GRIK1: variants seen among roughly 807,000 people sequenced by gnomAD.
GRIK1 encodes the protein glutamate receptor ionotropic, kainate 1.
Under a neutral mutation model 105.7 loss-of-function variants are expected in GRIK1, and 69 were observed. The observed-to-expected ratio is 0.65, with a 90% CI of 0.54 to 0.80. The LOEUF is 0.80. Ranked by LOEUF, GRIK1 falls within the 30% of genes least tolerant of loss-of-function variation. GRIK1 has a pLI of 0.00. For synonymous variants in GRIK1, 438 were observed against 431.3 expected (o/e 1.02, Z -0.19); for missense variants, 1,109 against 1,167.3 (o/e 0.95, Z 0.73).
intron 1 of GRIK1, among the ~76,000 whole-genome samples, chr21:29,820,119 A>G (rs1354714438): frequency 6.6e-6 from 1 of 152,132 alleles, no homozygotes; most frequent in African/African-American, 2.4e-5. Flanking sequence ...AAGATCATTA[A>G]CTATGTAGTA....
At chr21:29,841,910 C>G (rs1176814049) in intron 1 of GRIK1, among the ~76,000 whole-genome samples, 1 of 152,184 alleles carries the variant, frequency 6.6e-6, no homozygotes, top group Non-Finnish European at 1.5e-5. Context: ...AAGCAACACT[C>G]AAATCTCTAT....
At chr21:29,756,739 T>C (rs763727204) in intron 1 of GRIK1, among the ~76,000 whole-genome samples, 10 of 151,942 alleles carry the variant, frequency 6.6e-5, no homozygotes, top group Non-Finnish European at 2.9e-5. Flanking sequence ...AGCAAAGACA[T>C]GAAACACAAC....
At chr21:29,804,247 G>A (rs1414410738) in intron 1 of GRIK1, among the ~76,000 whole-genome samples, 2 of 152,046 alleles carry the variant, frequency 1.3e-5, no homozygotes, top group African/African-American at 4.8e-5. Context: ...ACCAAGGCAA[G>A]GGAGAAATTT....
intron 6 of GRIK1, among the ~76,000 whole-genome samples, chr21:29,645,127 A>C (rs1335733708): frequency 6.6e-6 from 1 of 152,242 alleles, no homozygotes; most frequent in African/African-American, 2.4e-5. Context: ...AGGCACTATA[A>C]GCATTTTACA....
rs1226386611 is a variant in GRIK1, at chr21:29,795,085, GA to G, written c.119-101023del. ...GAGTCTCCCTCTGTCACCCAGGCTGGAGTGCAGTGGTGCAATCTTGGCTCAC... is the reference window on the plus strand; with the variant it reads ...GAGTCTCCCTCTGTCACCCAGGCTGGGTGCAGTGGTGCAATCTTGGCTCAC... On this transcript the variant is annotated intron_variant, in intron 1 of 17. Transcript: ENST00000327783. Among the ~76,000 whole-genome samples, 198 of 136,806 alleles carry G rather than the reference GA, an allele frequency of 1.4e-3. 2 individuals carry two copies. The highest frequency in any genetic ancestry group is 5.2e-3 in the African/African-American group (189 of 36,070). 89.8% of individuals were successfully genotyped at this position (136,806 alleles called of 152,430 possible).
At chr21:29,702,066 T>TAC (rs2063822433) in intron 1 of GRIK1, among the ~76,000 whole-genome samples, 1 of 152,120 alleles carries the variant, frequency 6.6e-6, no homozygotes, top group Non-Finnish European at 1.5e-5. Context: ...GACCACGTGT[T>TAC]CTCATGTATA....
intron 1 of GRIK1, among the ~76,000 whole-genome samples, chr21:29,860,201 A>G (rs972949197): frequency 6.6e-6 from 1 of 152,214 alleles, no homozygotes; most frequent in Non-Finnish European, 1.5e-5. Context: ...TGGGGACTCC[A>G]GAGAAAATAA....
Position 29,694,213 on chromosome 21 carries a change from C to T in GRIK1, c.119-150G>A, listed in dbSNP as rs1359950174. The stretch of plus-strand genomic sequence containing the variant: ...GATCTCAGCTCACTGCAACCTCCGC[C>T]TCTGGGTTCAAGCGATTCTCCTGCC... On this transcript the variant is annotated intron_variant, in intron 1 of 17. Transcript: ENST00000327783. 5 of 603,540 alleles carry T rather than the reference C, an allele frequency of 8.3e-6. No individual in the cohort carries two copies. The African/African-American group carries it at 9.4e-5, about 11-fold the overall frequency. 37.4% of individuals were successfully genotyped at this position (603,540 alleles called of 1,614,324 possible).
At chr21:29,934,956 T>C (rs1453182509) in intron 1 of GRIK1, among the ~76,000 whole-genome samples, 5 of 152,210 alleles carry the variant, frequency 3.3e-5, no homozygotes, top group African/African-American at 1.2e-4. Flanking sequence ...CACTATCAGA[T>C]ACCTTCTCTT....
chr21:29,931,572 A>G lies in GRIK1; in HGVS notation c.118+7811T>C, dbSNP rs543726407. Among the ~76,000 whole-genome samples, 3 of 152,260 alleles carry G rather than the reference A, an allele frequency of 2.0e-5. No homozygotes were observed. In the South Asian group the frequency reaches 6.2e-4, roughly 32 times the overall value. ...TCCCTACTTATTTATTTAATCATTT[A>G]TCTATATCAGTATGCACTCATGGGA... On this transcript the variant is annotated intron_variant, in intron 1 of 17. Transcript: ENST00000327783.
intron 13 of GRIK1, 114 bp downstream of exon 13, chr21:29,581,311 A>G (rs2091018504): frequency 4.3e-6 from 3 of 700,656 alleles, no homozygotes; most frequent in Admixed American, 4.5e-5. Context: ...TATTTTCTTA[A>G]GTTCCTGAGA....
intron 1 of GRIK1, among the ~76,000 whole-genome samples, chr21:29,855,973 G>A (rs117904093): frequency 1.9e-4 from 29 of 152,276 alleles, no homozygotes; most frequent in Non-Finnish European, 4.3e-4. Flanking sequence ...GAATTGGGGG[G>A]AAACACATTT....
rs919828084 is a variant in GRIK1, at chr21:29,537,585, G to A, written c.2695-200C>T. 14 of 669,890 alleles carry A rather than the reference G, an allele frequency of 2.1e-5. No homozygotes were observed. In the Admixed American group the frequency reaches 3.2e-4, roughly 15 times the overall value. The allele number at this position is 669,890 out of a possible 1,614,324, so 41.5% of individuals were successfully genotyped here. On this transcript the variant is annotated intron_variant, in intron 17 of 17. Transcript: ENST00000327783. ...TCGGGGAAACTGAGATGGCAAGTTAGCTGGGCAAACTTTGGGATTTCATTC... is the reference window on the plus strand; with the variant it reads ...TCGGGGAAACTGAGATGGCAAGTTAACTGGGCAAACTTTGGGATTTCATTC...
Position 29,817,862 on chromosome 21 carries a change from ACGCTTAATGCATACCCAACCCAATAT to A in GRIK1, c.118+121495_118+121520del. Among the ~76,000 whole-genome samples, 2 of 152,132 alleles carry A rather than the reference ACGCTTAATGCATACCCAACCCAATAT, an allele frequency of 1.3e-5. 1 individual carries two copies. The highest frequency in any genetic ancestry group is 3.9e-4 in the East Asian group (2 of 5,180). On this transcript the variant is annotated intron_variant, in intron 1 of 17. Coordinates refer to ENST00000327783, the MANE Select transcript of GRIK1 (RefSeq NM_001330994.2). Reference sequence around the variant, plus strand: ...TGTTATGTGCCCAATATGAGAAAATACGCTTAATGCATACCCAACCCAATATTTAGTTGGCTACGCATTAAACATAC... The same window carrying A: ...TGTTATGTGCCCAATATGAGAAAATATTAGTTGGCTACGCATTAAACATAC...
intron 1 of GRIK1, among the ~76,000 whole-genome samples, chr21:29,867,799 A>AGAAG (rs1555901516): frequency 6.9e-6 from 1 of 144,010 alleles, no homozygotes; most frequent in East Asian, 2.1e-4. Flanking sequence ...TGTCGAAAGA[A>AGAAG]GAAAGAAAGA....
At chr21:29,834,422 A>G (rs916619454) in intron 1 of GRIK1, among the ~76,000 whole-genome samples, 5 of 151,074 alleles carry the variant, frequency 3.3e-5, no homozygotes, top group African/African-American at 1.2e-4. Context: ...ATAACCCATT[A>G]CCACTACTAA....
chr21:29,862,366 A>G (rs1207438206), intron 1 of GRIK1, among the ~76,000 whole-genome samples: 1 of 152,184 alleles, frequency 6.6e-6, no homozygotes, highest in African/African-American at 2.4e-5. Flanking sequence ...TGTACCTCAC[A>G]TTTTATAATC....
At chr21:29,819,582 C>A (rs753104869) in intron 1 of GRIK1, among the ~76,000 whole-genome samples, 5 of 151,904 alleles carry the variant, frequency 3.3e-5, no homozygotes, top group African/African-American at 9.7e-5. Context: ...TATTTCCAAT[C>A]AAATTGCATT....
At chr21:29,917,029 G>A (rs1263691026) in intron 1 of GRIK1, among the ~76,000 whole-genome samples, 7 of 151,854 alleles carry the variant, frequency 4.6e-5, no homozygotes, top group African/African-American at 7.3e-5. Context: ...TGTTTTTCTC[G>A]AAATCAACAT....
Sources: gnomAD v4.1 joint callset for allele counts (sites outside exome capture counted in the v4.1 genomes callset) on GRCh38, gnomAD v4.1.1 for gene constraint, MANE v1.5 for transcripts, NCBI Gene and HGNC (gene_info 2026-07-23, HGNC 2026-07-21) for gene names.